Variants in NALF1 observed in about 807,000 individuals in gnomAD.
NALF1 encodes the protein NALCN channel auxiliary factor 1.
A neutral mutation model predicts 48.4 loss-of-function variants in NALF1; 3 were observed. The ratio of observed to expected loss-of-function variants is 0.06; its 90% CI spans 0.03 to 0.16. The LOEUF is 0.16. NALF1 is among the 10% of genes least tolerant of loss of function. NALF1 has a pLI of 1.00. For synonymous variants in NALF1, 262 were observed against 245.7 expected (o/e 1.07, Z -0.62); for missense variants, 526 against 571.5 (o/e 0.92, Z 0.81).
At chr13:107,515,899 T>C (rs1481087296) in intron 1 of NALF1, among the ~76,000 whole-genome samples, 2 of 152,160 alleles carry the variant, frequency 1.3e-5, no homozygotes, top group East Asian at 3.9e-4. Context: ...GAAAGTTGTA[T>C]CTCAGGCATT....
At chr13:107,238,373 C>T (rs1366736728) in intron 1 of NALF1, among the ~76,000 whole-genome samples, 1 of 152,136 alleles carries the variant, frequency 6.6e-6, no homozygotes, top group Non-Finnish European at 1.5e-5. Flanking sequence ...ACATGAGTAG[C>T]ACGGCTTTTT....
chr13:107,718,837 C>T (rs1440747735), intron 1 of NALF1, among the ~76,000 whole-genome samples: 1 of 152,152 alleles, frequency 6.6e-6, no homozygotes, highest in East Asian at 1.9e-4. Flanking sequence ...AATTCATTTC[C>T]TCGGTCACCT....
At chr13:107,520,208 T>C (rs1015923284) in intron 1 of NALF1, among the ~76,000 whole-genome samples, 2 of 152,114 alleles carry the variant, frequency 1.3e-5, no homozygotes, top group African/African-American at 4.8e-5. Context: ...TAAGAAAAAA[T>C]GCACATGAAA....
rs112651874 is a variant in NALF1, at chr13:107,663,948, C to T, written c.915+201734G>A. ...CTCTTCACTCCCTCCTTTGTGACTG[C>T]ACCCACTACCATAGCTTCAGACATC... On this transcript the variant is annotated intron_variant, in intron 1 of 2. Transcript: ENST00000375915. Among the ~76,000 whole-genome samples, 1,425 of 152,264 alleles carry T rather than the reference C, an allele frequency of 9.4e-3. 19 individuals are homozygous for T. The highest frequency in any genetic ancestry group is 0.032 in the African/African-American group (1,320 of 41,548).
rs1594050285 is a variant in NALF1 at position 107,166,429 on chromosome 13, A to C, written c.*4068T>G. On this transcript the variant is annotated 3_prime_UTR_variant, in exon 3 of 3. Coordinates refer to ENST00000375915, the MANE Select transcript of NALF1 (RefSeq NM_001080396.3). ...AGCAAGATGCCATCTCAAAAAACAA[A>C]CAAACACACAGAAAAGAAATTAAAT... is the stretch of plus-strand genomic sequence containing the variant. 1 of 152,344 alleles carries C rather than the reference A, an allele frequency of 6.6e-6. No homozygotes were observed. Among genetic ancestry groups the C allele is most frequent in the South Asian group, 2.1e-4 (1 of 4,824 alleles). The allele number at this position is 152,344 out of a possible 1,614,324, so 9.4% of individuals were successfully genotyped here.
At chr13:107,328,311 CACACTTT>C (rs1399947104) in intron 1 of NALF1, among the ~76,000 whole-genome samples, 8 of 150,976 alleles carry the variant, frequency 5.3e-5, no homozygotes, top group Admixed American at 4.6e-4. Context: ...CACACACACA[CACACTTT>C]TGTTTGGCTC....
At chr13:107,315,899 ATT>A (rs1008651474) in intron 1 of NALF1, among the ~76,000 whole-genome samples, 47 of 149,058 alleles carry the variant, frequency 3.2e-4, no homozygotes, top group African/African-American at 1.2e-3. Context: ...ATATATATAT[ATT>A]TATTTATTTA....
intron 1 of NALF1, among the ~76,000 whole-genome samples, chr13:107,723,041 T>C (rs1876034307): frequency 6.6e-6 from 1 of 152,228 alleles, no homozygotes; most frequent in Non-Finnish European, 1.5e-5. Flanking sequence ...AAAAGCCATC[T>C]CGTTAGAATT....
chr13:107,259,742 C>G (rs932277023), intron 1 of NALF1, among the ~76,000 whole-genome samples: 22 of 152,258 alleles, frequency 1.4e-4, no homozygotes, highest in African/African-American at 5.1e-4. Flanking sequence ...ACTTAATAAC[C>G]AACTGACTAG....
intron 1 of NALF1, among the ~76,000 whole-genome samples, chr13:107,542,924 A>G (rs539732587): frequency 5.9e-4 from 90 of 152,228 alleles, no homozygotes; most frequent in African/African-American, 2.0e-3. Context: ...CTTGATAATT[A>G]TATAAATGTT....
intron 1 of NALF1, among the ~76,000 whole-genome samples, chr13:107,239,514 C>T (rs751347283): frequency 8.5e-5 from 13 of 152,180 alleles, no homozygotes; most frequent in Non-Finnish European, 1.8e-4. Flanking sequence ...TACAAAGATC[C>T]TATTTCCAAA....
chr13:107,779,415 A>T (rs370741346), intron 1 of NALF1, among the ~76,000 whole-genome samples: 1 of 152,282 alleles, frequency 6.6e-6, no homozygotes, highest in South Asian at 2.1e-4. Flanking sequence ...GATCCTATAC[A>T]TTATCTGAGT....
chr13:107,185,002 G>A (rs1016676486), intron 2 of NALF1, among the ~76,000 whole-genome samples: 1 of 152,140 alleles, frequency 6.6e-6, no homozygotes, highest in Non-Finnish European at 1.5e-5. Flanking sequence ...TAATAAAAAA[G>A]AAAAGATGTG....
chr13:107,564,291 G>A (rs1285354628), intron 1 of NALF1, among the ~76,000 whole-genome samples: 1 of 152,150 alleles, frequency 6.6e-6, no homozygotes, highest in Non-Finnish European at 1.5e-5. Context: ...GTATATGTGT[G>A]CATGAAAGTG....
At chr13:107,330,614 G>A (rs1333100742) in intron 1 of NALF1, among the ~76,000 whole-genome samples, 1 of 152,168 alleles carries the variant, frequency 6.6e-6, no homozygotes, top group Non-Finnish European at 1.5e-5. Flanking sequence ...TATCACATAA[G>A]GTCTTTTTCA....
At chr13:107,767,179 G>A (rs115119899) in intron 1 of NALF1, among the ~76,000 whole-genome samples, 95 of 152,270 alleles carry the variant, frequency 6.2e-4, no homozygotes, top group African/African-American at 2.1e-3. Context: ...GGGAGAAACC[G>A]GTAAATCATT....
chr13:107,457,175 C>T (rs559078896), intron 1 of NALF1, among the ~76,000 whole-genome samples: 167 of 152,160 alleles, frequency 1.1e-3, no homozygotes, highest in African/African-American at 3.8e-3. Context: ...ACTTTATTTT[C>T]GAATAGTTTA....
chr13:107,223,050 A>G (rs559536996), intron 1 of NALF1, among the ~76,000 whole-genome samples: 1 of 152,310 alleles, frequency 6.6e-6, no homozygotes, highest in Non-Finnish European at 1.5e-5. Context: ...AGCAATAGAA[A>G]TTGGGCTAAT....
rs549110810 is a variant in NALF1 at position 107,727,469 on chromosome 13, T to C, written c.915+138213A>G. Among the ~76,000 whole-genome samples the C allele has an allele frequency of 2.0e-5, 3 of 152,190 alleles. No individual in the cohort carries two copies. In the South Asian group the frequency reaches 6.2e-4, roughly 32 times the overall value. ...ACCTGCCTCACATGACAACCCATACTCTGTGGACAACAGGGAAAGATAAAA... is the reference window on the plus strand; with the variant it reads ...ACCTGCCTCACATGACAACCCATACCCTGTGGACAACAGGGAAAGATAAAA... On this transcript the variant is annotated intron_variant, in intron 1 of 2. Transcript: ENST00000375915.
Sources: allele counts gnomAD v4.1 joint callset (sites outside exome capture counted in the v4.1 genomes callset), GRCh38; gene constraint gnomAD v4.1.1; transcripts MANE v1.5; gene names NCBI Gene and HGNC (gene_info 2026-07-23, HGNC 2026-07-21).